The following ZBTB24 variants were observed in gnomAD, a reference collection of about 807,000 sequenced individuals.
ZBTB24 encodes the protein zinc finger and BTB domain containing 24.
Under a neutral mutation model 53.8 loss-of-function variants are expected in ZBTB24, and 32 were observed. That is an observed-to-expected ratio of 0.60 (90% CI 0.45 to 0.80). ZBTB24 has a LOEUF of 0.80. ZBTB24 is among the 30% of genes least tolerant of loss of function. ZBTB24 has a pLI of 0.00. For missense variants in ZBTB24, 722 were observed against 837.1 expected (o/e 0.86, Z 1.70); for synonymous variants, 297 against 306.7 (o/e 0.97, Z 0.33).
rs1337366690 is a variant in ZBTB24, at chr6:109,464,299, T to G, written c.*1552A>C. The stretch of plus-strand genomic sequence containing the variant: ...AATATGCAACCAAAATGTTTTTATC[T>G]TCTCTCAAACCTGAAGAATTCTCTA... On this transcript the variant is annotated 3_prime_UTR_variant, in exon 7 of 7. Transcript: ENST00000230122. 1 of 152,196 alleles carries G rather than the reference T, an allele frequency of 6.6e-6. No individual in the cohort carries two copies. The highest frequency in any genetic ancestry group is 1.5e-5 in the Non-Finnish European group (1 of 68,030). The allele number at this position is 152,196 out of a possible 1,614,324, so 9.4% of individuals were successfully genotyped here. A position where few individuals can be genotyped will look rare whatever the true frequency, so the allele number is the denominator to read the frequency against.
chr6:109,467,673 C>T lies in ZBTB24; in HGVS notation c.1350G>A (p.Gln450=), dbSNP rs140757038. ...TTTACCGATGGATTCTGATGTGGGTCTGAAGAGAACTCTTTGCTGTGAAAG... is the reference window on the plus strand; with the variant it reads ...TTTACCGATGGATTCTGATGTGGGTTTGAAGAGAACTCTTTGCTGTGAAAG... The part of the protein sequence containing the change: ...GKSFTAKSSL[Q]THIRIHRGEK... Residue 450 remains glutamine, a synonymous_variant, in exon 6 of 7, where the codon CAG becomes CAA. Coordinates refer to ENST00000230122, the MANE Select transcript of ZBTB24 (RefSeq NM_014797.3). 28 of 1,613,894 alleles carry T rather than the reference C, an allele frequency of 1.7e-5. No individual in the cohort carries two copies. The highest frequency in any genetic ancestry group is 2.3e-5 in the Non-Finnish European group (27 of 1,180,024).
At chr6:109,476,722 G>A in intron 3 of ZBTB24, 41 bp downstream of exon 3, 1 of 1,603,850 alleles carries the variant, frequency 6.2e-7, no homozygotes, top group Non-Finnish European at 8.5e-7. Context: ...CCTGGGGAAT[G>A]GGAATCTGGT....
chr6:109,479,609 A>G (rs574675232), intron 2 of ZBTB24, among the ~76,000 whole-genome samples: 13 of 152,342 alleles, frequency 8.5e-5, no homozygotes, highest in African/African-American at 3.1e-4. Context: ...TAAACTATGC[A>G]CATAAAATTT....
intron 2 of ZBTB24, 136 bp from the exon 3 acceptor site, chr6:109,477,066 T>G: frequency 1.6e-6 from 2 of 1,262,080 alleles, no homozygotes; most frequent in Middle Eastern, 2.0e-4. Flanking sequence ...ACAAGAGACA[T>G]CAGCAATAAA....
rs2227263 is a variant in ZBTB24 at position 109,481,448 on chromosome 6, C to T, written c.579G>A (p.Gln193=). Residue 193 remains glutamine, a synonymous_variant, in exon 2 of 7, where the codon CAG becomes CAA. Coordinates refer to ENST00000230122, the MANE Select transcript of ZBTB24 (RefSeq NM_014797.3). Reference sequence around the variant, plus strand: ...CTTTAACCACAAAGTTTTGTCTATTCTGAACTGAATTGTTCACTCTTAACT... The same window carrying T: ...CTTTAACCACAAAGTTTTGTCTATTTTGAACTGAATTGTTCACTCTTAACT... ...EIQLRVNNSV[Q]NRQNFVVKGD... is the part of the protein sequence containing the mutation. The T allele has an allele frequency of 0.022, 36,073 of 1,614,168 alleles. 1,312 individuals are homozygous for T. Among genetic ancestry groups the T allele is most frequent in the Admixed American group, 0.17 (10,122 of 60,016 alleles).
chr6:109,463,453 A>G lies in ZBTB24; in HGVS notation c.*2398T>C, dbSNP rs1775954094. On this transcript the variant is annotated 3_prime_UTR_variant, in exon 7 of 7. Transcript: ENST00000230122. ...AAACAGGTGGCCCATGCTGTCCAATATAGCAGCCACTAGCCACATGTGCTT... is the reference window on the plus strand; with the variant it reads ...AAACAGGTGGCCCATGCTGTCCAATGTAGCAGCCACTAGCCACATGTGCTT... 2 of 152,342 alleles carry G rather than the reference A, an allele frequency of 1.3e-5. No homozygotes were observed. The highest frequency in any genetic ancestry group is 4.8e-5 in the African/African-American group (2 of 41,580). The allele number at this position is 152,342 out of a possible 1,614,324, so 9.4% of individuals were successfully genotyped here.
intron 5 of ZBTB24, among the ~76,000 whole-genome samples, chr6:109,473,089 A>G (rs929438429): frequency 2.0e-5 from 3 of 152,114 alleles, no homozygotes; most frequent in Admixed American, 6.5e-5. Flanking sequence ...ATAAAATCCA[A>G]TCTTTACTGT....
chr6:109,470,557 T>C (rs1388720288), intron 5 of ZBTB24, among the ~76,000 whole-genome samples: 1 of 152,088 alleles, frequency 6.6e-6, no homozygotes, highest in Non-Finnish European at 1.5e-5. Flanking sequence ...AATGACAACA[T>C]CACCCAGCCC....
intron 5 of ZBTB24, among the ~76,000 whole-genome samples, chr6:109,469,493 G>A (rs1322401291): frequency 6.6e-6 from 1 of 152,126 alleles, no homozygotes; most frequent in Non-Finnish European, 1.5e-5. Flanking sequence ...CAGTGGGAAG[G>A]CAAATTTCCC....
Position 109,466,581 on chromosome 6 carries a change from G to C in ZBTB24, c.1371-7C>G, listed in dbSNP as rs1485604849. 1.2e-6 allele frequency: 2 copies of C among 1,607,634 alleles called. No individual in the cohort carries two copies. The highest frequency in any genetic ancestry group is 1.7e-6 in the Non-Finnish European group (2 of 1,179,976). On this transcript the variant is annotated splice_region_variant and splice_polypyrimidine_tract_variant and intron_variant, in intron 6 of 6. Coordinates refer to ENST00000230122, the MANE Select transcript of ZBTB24 (RefSeq NM_014797.3). Reference sequence around the variant, plus strand: ...GGAGTATGGCTTTTCTCCTCTGTAAGAAAATAAACATTTTATTTTTAAAAT... The same window carrying C: ...GGAGTATGGCTTTTCTCCTCTGTAACAAAATAAACATTTTATTTTTAAAAT...
At position 109,481,320 on chromosome 6, in the gene ZBTB24, T is replaced by A. The variant is rs755968900; in HGVS notation, c.707A>T (p.Asp236Val). The A allele has an allele frequency of 6.2e-7, 1 of 1,614,204 alleles. No homozygotes were observed. The highest frequency in any genetic ancestry group is 1.3e-5 in the African/African-American group (1 of 75,032). The change falls in exon 2 of 7, where the codon GAT becomes GTT. Residue 236 changes from aspartate to valine, a missense_variant. Asp to Val is a radical substitution (Grantham distance 152, BLOSUM62 -3). Coordinates refer to ENST00000230122, the MANE Select transcript of ZBTB24 (RefSeq NM_014797.3). ...CTCGGTCTTGGGATCATAGTTCTCA[T>A]CTTTTTCAACTGGCATTTCCTCCTC... ...SREEEMPVEKDENYDPKTEDG... is the reference protein window; with the variant it reads ...SREEEMPVEKVENYDPKTEDG...
rs1446615012 is a variant in ZBTB24 at position 109,463,398 on chromosome 6, A to G, written c.*2453T>C. 3 of 152,242 alleles carry G rather than the reference A, an allele frequency of 2.0e-5. No individual in the cohort carries two copies. The highest frequency in any genetic ancestry group is 7.2e-5 in the African/African-American group (3 of 41,458). The allele number at this position is 152,242 out of a possible 1,614,324, so 9.4% of individuals were successfully genotyped here. A position where few individuals can be genotyped will look rare whatever the true frequency, so the allele number is the denominator to read the frequency against. ...TCTTTGACAGCTGGTCAAATAATTC[A>G]GGCATAGCTAGGACTGATGCTCAAG... On this transcript the variant is annotated 3_prime_UTR_variant, in exon 7 of 7. Transcript: ENST00000230122.
In ZBTB24 at chr6:109,465,161, A is replaced by G. The variant is rs1776002767; in HGVS notation, c.*690T>C. On this transcript the variant is annotated 3_prime_UTR_variant, in exon 7 of 7. Transcript: ENST00000230122. ...TGTAAATTTATGTTTCTCAGAAAAG[A>G]CGAATTCAGAATTTTAAGAAATCCT... 1 of 152,510 alleles carries G rather than the reference A, an allele frequency of 6.6e-6. No individual in the cohort carries two copies. Among genetic ancestry groups the G allele is most frequent in the Admixed American group, 6.5e-5 (1 of 15,284 alleles). 9.4% of individuals were successfully genotyped at this position (152,510 alleles called of 1,614,324 possible).
intron 2 of ZBTB24, among the ~76,000 whole-genome samples, chr6:109,478,106 G>A (rs1002488183): frequency 1.3e-5 from 2 of 152,014 alleles, no homozygotes; most frequent in South Asian, 4.2e-4. Context: ...TCTTAACAGG[G>A]CCCACTTAGG....
At chr6:109,469,035 C>G (rs1776112665) in intron 5 of ZBTB24, among the ~76,000 whole-genome samples, 1 of 152,146 alleles carries the variant, frequency 6.6e-6, no homozygotes, top group Admixed American at 6.5e-5. Context: ...GTGAGCTTCC[C>G]TTTCACAGCA....
At chr6:109,474,061 C>A (rs1286737080) in intron 5 of ZBTB24, among the ~76,000 whole-genome samples, 13 of 147,532 alleles carry the variant, frequency 8.8e-5, no homozygotes, top group Non-Finnish European at 1.3e-4. Context: ...TGCACAACAG[C>A]CTGGGCGACA....
Position 109,482,004 on chromosome 6 carries a change from G to A in ZBTB24, c.23C>T (p.Pro8Leu). The part of the protein sequence containing the change: MAETSPE[P>L]SGQLVVHSDA... ...TGAGTGTACAACAAGCTGCCCAGAAGGCTCTGGCGATGTTTCTGCCATTTT... is the reference window on the plus strand; with the variant it reads ...TGAGTGTACAACAAGCTGCCCAGAAAGCTCTGGCGATGTTTCTGCCATTTT... The change falls in exon 2 of 7, where the codon CCT (proline) becomes CTT (leucine). Residue 8 changes from proline to leucine, a missense_variant. Pro to Leu is a moderately conservative substitution (Grantham distance 98). Coordinates refer to ENST00000230122, the MANE Select transcript of ZBTB24 (RefSeq NM_014797.3). 1 of 1,614,208 alleles carries A rather than the reference G, an allele frequency of 6.2e-7. No homozygotes were observed. Among genetic ancestry groups the A allele is most frequent in the Non-Finnish European group, 8.5e-7 (1 of 1,180,044 alleles).
rs927340055 is a variant in ZBTB24 at position 109,462,913 on chromosome 6, C to T, written c.*2938G>A. ...GTAGAAAATGAATTGTGAAACACTG[C>T]ACTAGCAACATCATTTCTCAAGGAC... On this transcript the variant is annotated 3_prime_UTR_variant, in exon 7 of 7. Coordinates refer to ENST00000230122, the MANE Select transcript of ZBTB24 (RefSeq NM_014797.3). 6.6e-6 allele frequency: 1 copy of T among 152,220 alleles called. No homozygotes were observed. The highest frequency in any genetic ancestry group is 1.5e-5 in the Non-Finnish European group (1 of 68,038). 9.4% of individuals were successfully genotyped at this position (152,220 alleles called of 1,614,324 possible). A position where few individuals can be genotyped will look rare whatever the true frequency, so the allele number is the denominator to read the frequency against.
chr6:109,465,828 A>G lies in ZBTB24; in HGVS notation c.*23T>C, dbSNP rs1255394800. The G allele has an allele frequency of 5.0e-6, 8 of 1,614,180 alleles. No homozygotes were observed. The highest frequency in any genetic ancestry group is 6.8e-6 in the Non-Finnish European group (8 of 1,180,044). ...GCTGGCTTATAAGAAGAGCCCAATC[A>G]AGCAGTCAAACGTGTTTACAGGTCA... is the stretch of plus-strand genomic sequence containing the variant. On this transcript the variant is annotated 3_prime_UTR_variant, in exon 7 of 7. Coordinates refer to ENST00000230122, the MANE Select transcript of ZBTB24 (RefSeq NM_014797.3).
Sources: allele counts gnomAD v4.1 joint callset (sites outside exome capture counted in the v4.1 genomes callset), GRCh38; gene constraint gnomAD v4.1.1; transcripts MANE v1.5; gene names NCBI Gene and HGNC (gene_info 2026-07-23, HGNC 2026-07-21).